NKAIN3: variants seen among roughly 807,000 people sequenced by gnomAD.
NKAIN3 encodes sodium/potassium-transporting ATPase subunit beta-1-interacting protein 3.
Under a neutral mutation model 30.2 loss-of-function variants are expected in NKAIN3, and 25 were observed. That is an observed-to-expected ratio of 0.83 (90% confidence interval 0.60 to 1.16). The LOEUF (loss-of-function observed/expected upper bound fraction) is 1.16, where lower values mean the gene tolerates loss of function less well. Ranked by LOEUF, NKAIN3 falls within the 50% of genes most tolerant of loss-of-function variation. The pLI is 0.00. For missense variants in NKAIN3, 225 were observed against 254.1 expected (o/e 0.89, Z 0.78); for synonymous variants, 91 against 89.6 (o/e 1.02, Z -0.09).
At chr8:62,637,688 G>A (rs146680472) in intron 3 of NKAIN3, among the ~76,000 whole-genome samples, 114 of 152,222 alleles carry the variant, frequency 7.5e-4, no homozygotes, top group African/African-American at 2.4e-3. Flanking sequence ...ATTGCACAGC[G>A]ATGGTTCAAA....
intron 4 of NKAIN3, among the ~76,000 whole-genome samples, chr8:62,795,890 GTA>G (rs1817846407): frequency 6.6e-6 from 1 of 152,088 alleles, no homozygotes; most frequent in African/African-American, 2.4e-5. Context: ...ATGCATGTGT[GTA>G]TGTATGAAAT....
chr8:62,447,927 A>C (rs1179827369), intron 1 of NKAIN3, among the ~76,000 whole-genome samples: 1 of 151,980 alleles, frequency 6.6e-6, no homozygotes, highest in Non-Finnish European at 1.5e-5. Flanking sequence ...TGAAATCTAA[A>C]ACCTTTATCT....
At chr8:62,482,252 C>G (rs1806746685) in intron 1 of NKAIN3, 1 of 152,076 alleles carries the variant, frequency 6.6e-6, no homozygotes, top group Non-Finnish European at 1.5e-5. Flanking sequence ...CAATATAAAA[C>G]ACGTTTAAAG....
intron 4 of NKAIN3, among the ~76,000 whole-genome samples, chr8:62,872,584 T>G (rs1023163327): frequency 6.6e-6 from 1 of 152,218 alleles, no homozygotes; most frequent in Admixed American, 6.5e-5. Context: ...TTTTTGAGCA[T>G]TGTGTTACCA....
intron 1 of NKAIN3, among the ~76,000 whole-genome samples, chr8:62,505,465 G>A (rs1317301960): frequency 2.0e-4 from 31 of 152,128 alleles, no homozygotes; most frequent in Non-Finnish European, 1.5e-5. Flanking sequence ...GGGATATTGA[G>A]TGAAATAATG....
chr8:62,840,834 G>C (rs1402358290), intron 4 of NKAIN3, among the ~76,000 whole-genome samples: 1 of 152,150 alleles, frequency 6.6e-6, no homozygotes, highest in East Asian at 1.9e-4. Flanking sequence ...CTGAGAAAGA[G>C]TCATCAAACC....
chr8:62,900,580 A>G (rs1023980370), intron 4 of NKAIN3, among the ~76,000 whole-genome samples: 1 of 152,216 alleles, frequency 6.6e-6, no homozygotes, highest in Non-Finnish European at 1.5e-5. Flanking sequence ...AATAAAATCA[A>G]CAATACAACT....
rs1208535757 is a variant in NKAIN3 at position 62,982,306 on chromosome 8, G to A, written c.*16899G>A. 1 of 152,044 alleles carries A rather than the reference G, an allele frequency of 6.6e-6. No homozygotes were observed. Among genetic ancestry groups the A allele is most frequent in the Admixed American group, 6.5e-5 (1 of 15,268 alleles). The allele number at this position is 152,044 out of a possible 1,614,324, so 9.4% of individuals were successfully genotyped here. A position where few individuals can be genotyped will look rare whatever the true frequency, so the allele number is the denominator to read the frequency against. Reference sequence around the variant, plus strand: ...CTTAAATAAGATCTTATTTTCATCTGCTGGAAAACTTTTTCTGATAACCAT... The same window carrying A: ...CTTAAATAAGATCTTATTTTCATCTACTGGAAAACTTTTTCTGATAACCAT... On this transcript the variant is annotated 3_prime_UTR_variant, in exon 7 of 7. Coordinates refer to ENST00000623646, the MANE Select transcript of NKAIN3 (RefSeq NM_001304533.3).
intron 3 of NKAIN3, among the ~76,000 whole-genome samples, chr8:62,665,501 A>T (rs1813071316): frequency 6.6e-6 from 1 of 152,248 alleles, no homozygotes; most frequent in South Asian, 2.1e-4. Context: ...ATGCAAATTA[A>T]GACCACTTTC....
intron 4 of NKAIN3, among the ~76,000 whole-genome samples, chr8:62,783,444 A>G (rs747533239): frequency 2.0e-5 from 3 of 152,076 alleles, no homozygotes; most frequent in African/African-American, 7.2e-5. Flanking sequence ...TCTGTTGCCT[A>G]TAAGTCACCC....
chr8:62,527,955 G>C (rs1177864504), intron 1 of NKAIN3, among the ~76,000 whole-genome samples: 3 of 151,552 alleles, frequency 2.0e-5, no homozygotes, highest in Admixed American at 6.6e-5. Context: ...GAGACAAAGA[G>C]AGAAAGAGAG....
chr8:62,940,725 A>C (rs1438476152), intron 5 of NKAIN3, among the ~76,000 whole-genome samples: 1 of 152,144 alleles, frequency 6.6e-6, no homozygotes, highest in Non-Finnish European at 1.5e-5. Flanking sequence ...ACTGAACAAT[A>C]ATAGTAACAC....
At position 62,519,459 on chromosome 8, in the gene NKAIN3, A is replaced by G. The variant is rs554233696; in HGVS notation, c.55-60080A>G. On this transcript the variant is annotated intron_variant, in intron 1 of 6. Transcript: ENST00000623646. ...TTAGAAGCTCAGAATCTATGATCAT[A>G]TACTCAATATGAATGCCTACAATCA... 2.0e-5 allele frequency among the ~76,000 whole-genome samples: 3 copies of G among 152,316 alleles called. No individual in the cohort carries two copies. The South Asian group carries it at 6.2e-4, about 32-fold the overall frequency.
chr8:62,962,900 T>TC (rs1314683019), intron 6 of NKAIN3, among the ~76,000 whole-genome samples: 1 of 152,144 alleles, frequency 6.6e-6, no homozygotes, highest in Non-Finnish European at 1.5e-5. Flanking sequence ...TGTCTGAATT[T>TC]TTTTTTTTGA....
At chr8:62,377,038 A>G (rs745879420) in intron 1 of NKAIN3, among the ~76,000 whole-genome samples, 7 of 152,208 alleles carry the variant, frequency 4.6e-5, no homozygotes, top group Non-Finnish European at 8.8e-5. Context: ...CAAGAAGTTC[A>G]GTGAAAAACT....
intron 1 of NKAIN3, among the ~76,000 whole-genome samples, chr8:62,511,391 T>C (rs1044424844): frequency 6.6e-6 from 1 of 152,154 alleles, no homozygotes; most frequent in Admixed American, 6.5e-5. Context: ...GCCTGCCCGC[T>C]GCAGGCCACT....
At chr8:62,777,991 C>T (rs1357756395) in intron 4 of NKAIN3, among the ~76,000 whole-genome samples, 2 of 152,004 alleles carry the variant, frequency 1.3e-5, no homozygotes, top group Admixed American at 6.6e-5. Context: ...TGGATAAGAC[C>T]CAGAAAAATT....
chr8:62,903,678 T>C (rs1245572068), intron 4 of NKAIN3, among the ~76,000 whole-genome samples: 1 of 152,180 alleles, frequency 6.6e-6, no homozygotes, highest in Admixed American at 6.5e-5. Context: ...TATTAATCTG[T>C]TCTCACGCTG....
intron 1 of NKAIN3, among the ~76,000 whole-genome samples, chr8:62,519,114 C>T (rs1808079971): frequency 6.6e-6 from 1 of 152,130 alleles, no homozygotes; most frequent in South Asian, 2.1e-4. Flanking sequence ...GTTGGAGACA[C>T]AGTTCCTGCC....
Sources: gnomAD v4.1 joint callset for allele counts (sites outside exome capture counted in the v4.1 genomes callset) on GRCh38, gnomAD v4.1.1 for gene constraint, MANE v1.5 for transcripts, NCBI Gene and HGNC (gene_info 2026-07-23, HGNC 2026-07-21) for gene names.